Variants in HLCS observed in about 807,000 individuals in gnomAD.
HLCS encodes the protein biotin--protein ligase.
In HLCS, 53 loss-of-function variants were observed where a neutral mutation model predicts 75.0. That is an observed-to-expected ratio of 0.71 (90% CI 0.57 to 0.89). The LOEUF is 0.89. Ranked by LOEUF, HLCS falls within the 40% of genes least tolerant of loss-of-function variation. The pLI is 0.00. For missense variants in HLCS, 966 were observed against 1,074.0 expected, an observed-to-expected ratio of 0.90 and a Z score of 1.41; for synonymous variants, 431 against 428.6, an observed-to-expected ratio of 1.01 and a Z score of -0.07.
At chr21:36,830,080 TAAGA>T (rs930420600) in intron 6 of HLCS, among the ~76,000 whole-genome samples, 25 of 152,116 alleles carry the variant, frequency 1.6e-4, no homozygotes, top group Admixed American at 1.4e-3. Context: ...CGTGTCCTTG[TAAGA>T]AGAGGACATT....
chr21:36,942,398 C>CAAAAAAAAAAAAAAAAAAAAAAAAAAA, intron 2 of HLCS, among the ~76,000 whole-genome samples: 1 of 80,974 alleles, frequency 1.2e-5, no homozygotes, highest in Non-Finnish European at 2.4e-5. Flanking sequence ...GACTCCGTCT[C>CAAAAAAAAAAAAAAAAAAAAAAAAAAA]AAAAAAAAAA....
chr21:36,972,675 G>A (rs1363701788), intron 1 of HLCS, among the ~76,000 whole-genome samples: 1 of 152,156 alleles, frequency 6.6e-6, no homozygotes, highest in East Asian at 1.9e-4. Context: ...TATTAATAAG[G>A]AATCTATGCA....
At chr21:36,872,058 C>T (rs2063787563) in intron 6 of HLCS, among the ~76,000 whole-genome samples, 1 of 152,186 alleles carries the variant, frequency 6.6e-6, no homozygotes, top group Admixed American at 6.5e-5. Flanking sequence ...TACATATCAA[C>T]CTATGCATCC....
At chr21:36,824,131 A>G (rs986244783) in intron 6 of HLCS, among the ~76,000 whole-genome samples, 2 of 152,226 alleles carry the variant, frequency 1.3e-5, no homozygotes, top group Non-Finnish European at 1.5e-5. Flanking sequence ...AATACAAAAA[A>G]AGTGCACACA....
chr21:36,931,873 C>T (rs1247261162), intron 4 of HLCS, among the ~76,000 whole-genome samples: 4 of 152,202 alleles, frequency 2.6e-5, no homozygotes, highest in Non-Finnish European at 5.9e-5. Context: ...ACTTCCCAGC[C>T]GGGGCCACTG....
chr21:36,806,730 ATTAC>A (rs2061372203), intron 6 of HLCS, among the ~76,000 whole-genome samples: 1 of 152,232 alleles, frequency 6.6e-6, no homozygotes, highest in Non-Finnish European at 1.5e-5. Flanking sequence ...AAGAGAGCGT[ATTAC>A]TTATCTATTG....
At chr21:36,820,099 G>A (rs1362932512) in intron 6 of HLCS, among the ~76,000 whole-genome samples, 3 of 152,248 alleles carry the variant, frequency 2.0e-5, no homozygotes, top group East Asian at 3.9e-4. Flanking sequence ...CTCCCTCAGT[G>A]AGAAGGTGGG....
intron 9 of HLCS, among the ~76,000 whole-genome samples, chr21:36,758,642 C>T (rs1232323863): frequency 6.6e-6 from 1 of 152,074 alleles, no homozygotes; most frequent in Non-Finnish European, 1.5e-5. Flanking sequence ...TGCTTGTGGC[C>T]CCTACCTAGG....
intron 6 of HLCS, among the ~76,000 whole-genome samples, chr21:36,840,283 G>A (rs1407776098): frequency 6.6e-6 from 1 of 152,118 alleles, no homozygotes; most frequent in Non-Finnish European, 1.5e-5. Context: ...AAAGGTAGGT[G>A]AATATTTAAA....
chr21:36,952,809 A>C (rs1246262407), intron 2 of HLCS, among the ~76,000 whole-genome samples: 7 of 151,768 alleles, frequency 4.6e-5, no homozygotes, highest in Admixed American at 1.3e-4. Flanking sequence ...AAAAAAAAAA[A>C]AAAGAATTAA....
chr21:36,780,090 T>A (rs1162242039), intron 6 of HLCS, among the ~76,000 whole-genome samples: 1 of 152,078 alleles, frequency 6.6e-6, no homozygotes, highest in Non-Finnish European at 1.5e-5. Flanking sequence ...CTCTTTTGTC[T>A]CCCCCATCCA....
intron 6 of HLCS, among the ~76,000 whole-genome samples, chr21:36,770,081 G>A (rs1317600618): frequency 2.6e-5 from 4 of 151,236 alleles, no homozygotes; most frequent in African/African-American, 7.3e-5. Flanking sequence ...ATATAGCAAC[G>A]TGGAAGAAAG....
At position 36,753,826 on chromosome 21, in the gene HLCS, G is replaced by A. The variant is rs2123552720; in HGVS notation, c.*420C>T. On this transcript the variant is annotated 3_prime_UTR_variant, in exon 11 of 11. Transcript: ENST00000674895. This position sits in a 1 kb window ranked among gnomAD's most constrained non-coding sequence, Gnocchi z 4.3. ...CCCCAGATGCTTACAAACAGTGATA[G>A]CATACCTCTAACTCACCACTGGCCT... 1 of 291,232 alleles carries A rather than the reference G, an allele frequency of 3.4e-6. No individual in the cohort carries two copies. 18.0% of individuals were successfully genotyped at this position (291,232 alleles called of 1,614,324 possible).
chr21:36,823,196 CCT>C (rs1225290355), intron 6 of HLCS, among the ~76,000 whole-genome samples: 1 of 152,142 alleles, frequency 6.6e-6, no homozygotes, highest in Non-Finnish European at 1.5e-5. Flanking sequence ...AAGTACATTT[CCT>C]GCTTATTTGG....
chr21:36,800,735 C>T (rs952491743), intron 6 of HLCS, among the ~76,000 whole-genome samples: 3 of 152,152 alleles, frequency 2.0e-5, no homozygotes, highest in Admixed American at 6.5e-5. Context: ...AGAATGTTTG[C>T]TTCACTTCAA....
intron 6 of HLCS, among the ~76,000 whole-genome samples, chr21:36,809,213 T>TAAA: frequency 6.8e-6 from 1 of 147,070 alleles, no homozygotes; most frequent in African/African-American, 2.5e-5. Context: ...GACCTCAACT[T>TAAA]AAAAAAAAAA....
chr21:36,887,095 A>T (rs1299475518), intron 6 of HLCS, among the ~76,000 whole-genome samples: 2 of 150,166 alleles, frequency 1.3e-5, no homozygotes, highest in Non-Finnish European at 2.9e-5. Context: ...CTGCCACTGC[A>T]CTCCAGCCTG....
intron 7 of HLCS, 54 bp downstream of exon 7, chr21:36,767,164 G>A (rs2090067260): frequency 2.6e-6 from 4 of 1,550,752 alleles, no homozygotes; most frequent in African/African-American, 2.7e-5. Context: ...GGCCACAAGA[G>A]TTGCAGAGTT....
chr21:36,764,572 G>A (rs548785176), intron 8 of HLCS, among the ~76,000 whole-genome samples: 5 of 152,084 alleles, frequency 3.3e-5, no homozygotes, highest in African/African-American at 1.2e-4. Context: ...AGGGGTGGTG[G>A]TGTGTACCTA....
Sources: allele counts gnomAD v4.1 joint callset (sites outside exome capture counted in the v4.1 genomes callset), GRCh38; gene constraint gnomAD v4.1.1; non-coding constraint Gnocchi (gnomAD v3.1); transcripts MANE v1.5; gene names NCBI Gene and HGNC (gene_info 2026-07-23, HGNC 2026-07-21).